FRMD4A: variants seen among roughly 807,000 people sequenced by gnomAD.
FRMD4A encodes FERM domain-containing protein 4A.
Under a neutral mutation model 129.1 loss-of-function variants are expected in FRMD4A, and 29 were observed. That is an observed-to-expected ratio of 0.22 (90% CI 0.17 to 0.31). The LOEUF is 0.31. Ranked by LOEUF, FRMD4A falls within the 10% of genes least tolerant of loss-of-function variation. FRMD4A has a pLI of 1.00. For missense variants in FRMD4A, 1,272 were observed against 1,375.8 expected (o/e 0.92, Z 1.19); for synonymous variants, 634 against 571.6 (o/e 1.11, Z -1.56).
At chr10:14,266,213 C>T (rs1844973110) in intron 2 of FRMD4A, among the ~76,000 whole-genome samples, 1 of 151,960 alleles carries the variant, frequency 6.6e-6, no homozygotes, top group South Asian at 2.1e-4. Flanking sequence ...AGCAGCATAC[C>T]TCATCTCTAC....
At chr10:13,745,856 A>G (rs879273913) in intron 9 of FRMD4A, among the ~76,000 whole-genome samples, 1 of 152,186 alleles carries the variant, frequency 6.6e-6, no homozygotes, top group Non-Finnish European at 1.5e-5. Flanking sequence ...AGGAGGCTAC[A>G]GAGGGATGAG....
intron 2 of FRMD4A, among the ~76,000 whole-genome samples, chr10:14,062,466 G>C (rs372051544): frequency 6.6e-6 from 1 of 152,118 alleles, no homozygotes; most frequent in Non-Finnish European, 1.5e-5. Context: ...TGAAGGGAAA[G>C]AAAGTCTTAG....
chr10:13,850,549 G>A (rs1347732284), intron 3 of FRMD4A, among the ~76,000 whole-genome samples: 1 of 152,190 alleles, frequency 6.6e-6, no homozygotes, highest in Non-Finnish European at 1.5e-5. Context: ...AGATAGGTTA[G>A]GAAGTGAGTT....
At chr10:13,702,825 T>C (rs1382021060) in intron 13 of FRMD4A, among the ~76,000 whole-genome samples, 1 of 151,072 alleles carries the variant, frequency 6.6e-6, no homozygotes, top group African/African-American at 2.4e-5. Flanking sequence ...TTGTTCACCC[T>C]CACTTTTAAG....
At chr10:14,166,542 A>G (rs888643497) in intron 2 of FRMD4A, among the ~76,000 whole-genome samples, 1 of 152,240 alleles carries the variant, frequency 6.6e-6, no homozygotes, top group Non-Finnish European at 1.5e-5. Flanking sequence ...TTTGGAATCT[A>G]AAGTTCCAAA....
At chr10:14,158,631 AAAAG>A (rs778146234) in intron 2 of FRMD4A, among the ~76,000 whole-genome samples, 2 of 151,926 alleles carry the variant, frequency 1.3e-5, no homozygotes, top group Non-Finnish European at 2.9e-5. Flanking sequence ...TAAATAAAAA[AAAAG>A]AAAGAGGAGA....
intron 2 of FRMD4A, among the ~76,000 whole-genome samples, chr10:14,036,000 C>T (rs932485549): frequency 6.7e-6 from 1 of 150,332 alleles, no homozygotes; most frequent in Non-Finnish European, 1.5e-5. Flanking sequence ...CGACATCGTG[C>T]CATTGCACTC....
intron 2 of FRMD4A, among the ~76,000 whole-genome samples, chr10:13,977,147 C>A (rs568691475): frequency 2.0e-5 from 3 of 152,330 alleles, no homozygotes; most frequent in African/African-American, 7.2e-5. Context: ...CAGATATGCA[C>A]TCAGAAATGC....
chr10:14,247,372 T>C (rs1182282541), intron 2 of FRMD4A, among the ~76,000 whole-genome samples: 1 of 152,212 alleles, frequency 6.6e-6, no homozygotes, highest in Non-Finnish European at 1.5e-5. Context: ...ATTTACACGG[T>C]GCCCAGAACA....
chr10:13,654,405 G>T lies in FRMD4A; in HGVS notation c.3050+11C>A. On this transcript the variant is annotated intron_variant, in intron 23 of 24. Coordinates refer to ENST00000357447, the MANE Select transcript of FRMD4A (RefSeq NM_018027.5). ...AGCTGACACAGTGAAGAACATAGAA[G>T]GAGAACTCACCCAGTCTGCCAGGTT... The T allele has an allele frequency of 6.4e-7, 1 of 1,554,874 alleles. No homozygotes were observed. The highest frequency in any genetic ancestry group is 8.9e-7 in the Non-Finnish European group (1 of 1,125,684).
intron 2 of FRMD4A, among the ~76,000 whole-genome samples, chr10:13,995,517 G>A (rs2095619309): frequency 6.6e-6 from 1 of 152,194 alleles, no homozygotes; most frequent in African/African-American, 2.4e-5. Flanking sequence ...CGTGGGAGGT[G>A]GGGGTTGCAG....
intron 21 of FRMD4A, 134 bp downstream of exon 21, chr10:13,659,189 T>A: frequency 2.3e-6 from 2 of 855,568 alleles, no homozygotes; most frequent in East Asian, 5.3e-5. Flanking sequence ...GCTTGGTTTT[T>A]TATTCCGCTT....
intron 2 of FRMD4A, among the ~76,000 whole-genome samples, chr10:14,267,678 C>T (rs1845024587): frequency 6.6e-6 from 1 of 152,168 alleles, no homozygotes; most frequent in African/African-American, 2.4e-5. Context: ...TCAAAATGTA[C>T]AAGTCAGGTT....
At chr10:14,276,193 C>A (rs1845334475) in intron 2 of FRMD4A, among the ~76,000 whole-genome samples, 1 of 152,174 alleles carries the variant, frequency 6.6e-6, no homozygotes, top group South Asian at 2.1e-4. Flanking sequence ...CTTGCAAGGT[C>A]CCTTTTCGTT....
At chr10:13,790,065 C>T (rs1007604079) in intron 5 of FRMD4A, among the ~76,000 whole-genome samples, 7 of 151,802 alleles carry the variant, frequency 4.6e-5, no homozygotes, top group African/African-American at 1.7e-4. Context: ...TACTATTAGG[C>T]TGTGTATGGA....
chr10:14,237,519 T>C (rs1247997580), intron 2 of FRMD4A, among the ~76,000 whole-genome samples: 1 of 152,024 alleles, frequency 6.6e-6, no homozygotes, highest in Non-Finnish European at 1.5e-5. Flanking sequence ...TTAGTAGAAA[T>C]GGGGTTTCAC....
intron 15 of FRMD4A, among the ~76,000 whole-genome samples, chr10:13,689,203 G>GT (rs1564616267): frequency 6.0e-5 from 2 of 33,260 alleles, no homozygotes; most frequent in African/African-American, 3.4e-4. Flanking sequence ...CTTTGCGGGG[G>GT]GGGGGGGGGG....
chr10:13,902,839 CAAAA>C (rs113445035), intron 2 of FRMD4A, among the ~76,000 whole-genome samples: 1 of 97,148 alleles, frequency 1.0e-5, no homozygotes, highest in Non-Finnish European at 2.4e-5. Flanking sequence ...GATGCAGTCT[CAAAA>C]AAAAAAAAAA....
chr10:13,828,790 G>A (rs780669752), intron 3 of FRMD4A, among the ~76,000 whole-genome samples: 1 of 152,018 alleles, frequency 6.6e-6, no homozygotes, highest in South Asian at 2.1e-4. Context: ...CCTTGGCCTC[G>A]CAAAGTGCTG....
Sources: allele counts gnomAD v4.1 joint callset (sites outside exome capture counted in the v4.1 genomes callset), GRCh38; gene constraint gnomAD v4.1.1; transcripts MANE v1.5; gene names NCBI Gene and HGNC (gene_info 2026-07-23, HGNC 2026-07-21).